The following NCAPG2 variants were observed in gnomAD, a reference collection of about 807,000 sequenced individuals.
The protein encoded by NCAPG2 is condensin-2 complex subunit G2.
NCAPG2 carries 53 observed loss-of-function variants against 141.1 expected under a neutral mutation model. That is an observed-to-expected ratio of 0.38 (90% CI 0.30 to 0.47). NCAPG2 has a LOEUF of 0.47. NCAPG2 is among the 20% of genes least tolerant of loss of function. The pLI, the probability that NCAPG2 is intolerant of heterozygous loss-of-function variation, is 0.99. For synonymous variants in NCAPG2, 499 were observed against 490.7 expected (o/e 1.02, Z -0.22); for missense variants, 1,087 against 1,389.0 (o/e 0.78, Z 3.46).
chr7:158,656,863 G>A (rs531853937), intron 17 of NCAPG2, among the ~76,000 whole-genome samples, 158 bp from the exon 18 acceptor site: 1 of 152,294 alleles, frequency 6.6e-6, no homozygotes, highest in African/African-American at 2.4e-5. Flanking sequence ...AATAAATACA[G>A]TTTCCCACAA....
intron 13 of NCAPG2, chr7:158,668,411 G>A: frequency 1.0e-6 from 1 of 977,462 alleles, no homozygotes; most frequent in Non-Finnish European, 1.2e-6. Context: ...ACTGTTTTCT[G>A]TTTTGTTTTA....
chr7:158,664,278 A>G lies in NCAPG2; in HGVS notation c.1721T>C (p.Ile574Thr). 1 of 1,613,352 alleles carries G rather than the reference A, an allele frequency of 6.2e-7. No homozygotes were observed. The highest frequency in any genetic ancestry group is 8.5e-7 in the Non-Finnish European group (1 of 1,179,238). The change falls in exon 15 of 28, where the codon ATT (isoleucine) becomes ACT (threonine). Residue 574 changes from isoleucine (I) to threonine (T), a missense_variant. By Grantham distance (89) the Ile-to-Thr change is moderately conservative. Transcript: ENST00000356309. ...GATACAGGCATTTAAGCAATGACGA[A>G]TAACGTGAATCAGCTTTGCTGAAAT... The part of the protein sequence containing the change: ...CTNIAKLIHV[I>T]RHCLNACIQR...
chr7:158,685,868 T>C (rs1364249246), intron 8 of NCAPG2, among the ~76,000 whole-genome samples: 3 of 152,208 alleles, frequency 2.0e-5, no homozygotes, highest in African/African-American at 7.2e-5. Flanking sequence ...CTTTGAAATC[T>C]GGTATGTTTC....
chr7:158,651,051 G>A (rs1425276896), intron 23 of NCAPG2, 79 bp from the exon 24 acceptor site: 1 of 1,391,650 alleles, frequency 7.2e-7, no homozygotes, highest in Non-Finnish European at 9.5e-7. Context: ...TTTAAAATAA[G>A]TATTCTTACT....
chr7:158,667,438 T>C (rs1270079004), intron 13 of NCAPG2, among the ~76,000 whole-genome samples: 13 of 130,360 alleles, frequency 1.0e-4, no homozygotes, highest in Admixed American at 1.5e-4. Flanking sequence ...TCCGCCCTCC[T>C]TACCCACTAC....
At chr7:158,695,649 T>C (rs956330651) in intron 2 of NCAPG2, among the ~76,000 whole-genome samples, 7 of 152,212 alleles carry the variant, frequency 4.6e-5, no homozygotes, top group Admixed American at 2.0e-4. Context: ...TGTTCAAATA[T>C]CAAAATGTTC....
In NCAPG2 at chr7:158,633,061, G is replaced by T. The variant is rs564158071; in HGVS notation, c.3381-1344C>A. ...GAATCTTATCCATAATTATTTAGCT[G>T]TGATTTTTTTTTTCCATCAATCCAG... On this transcript the variant is annotated intron_variant, in intron 27 of 27. Transcript: ENST00000356309. This position sits in a 1 kb window ranked among gnomAD's most constrained non-coding sequence, Gnocchi z 4.1. 6.6e-6 allele frequency among the ~76,000 whole-genome samples: 1 copy of T among 152,016 alleles called. No homozygotes were observed. The highest frequency in any genetic ancestry group is 2.1e-4 in the South Asian group (1 of 4,818).
chr7:158,672,436 G>A (rs1182964025), intron 12 of NCAPG2, among the ~76,000 whole-genome samples: 5 of 140,166 alleles, frequency 3.6e-5, no homozygotes, highest in Admixed American at 7.6e-5. Flanking sequence ...TCTGCCTCCC[G>A]GGTTCATGCC....
At position 158,689,942 on chromosome 7, in the gene NCAPG2, T is replaced by C. The variant is rs1222926102; in HGVS notation, c.549A>G (p.Val183=). 3 of 1,589,266 alleles carry C rather than the reference T, an allele frequency of 1.9e-6. No individual in the cohort carries two copies. The highest frequency in any genetic ancestry group is 2.3e-5 in the East Asian group (1 of 43,606). ...RSLETKTGAD[V]CRLWRIHQAL... is the part of the protein sequence containing the mutation. ...CTTGATGGATACGCCAAAGCCGACA[T>C]ACGTCTGCACCCTAGGAATGACACA... Residue 183 remains valine, a synonymous_variant, in exon 6 of 28, where the codon GTA becomes GTG. Transcript: ENST00000356309.
chr7:158,693,469 T>C lies in NCAPG2; in HGVS notation c.107A>G (p.Asn36Ser), dbSNP rs1471436773. ...DKEASDPFSL[N>S]ELLDELSRKQ... is the part of the protein sequence containing the mutation. ...CCTTGATAATTCATCTAGTAATTCATTTAGGCTGAAAGGATCAGAGGCCTC... is the reference window on the plus strand; with the variant it reads ...CCTTGATAATTCATCTAGTAATTCACTTAGGCTGAAAGGATCAGAGGCCTC... The change falls in exon 3 of 28, where the codon AAT becomes AGT. Residue 36 changes from asparagine (N) to serine (S), a missense_variant. Transcript: ENST00000356309. 1 of 1,613,882 alleles carries C rather than the reference T, an allele frequency of 6.2e-7. No individual in the cohort carries two copies. The highest frequency in any genetic ancestry group is 8.5e-7 in the Non-Finnish European group (1 of 1,179,818).
rs537236522 is a variant in NCAPG2, at chr7:158,661,097, C to T, written c.1989+1097G>A. Among the ~76,000 whole-genome samples the T allele has an allele frequency of 1.9e-4, 29 of 152,286 alleles. No homozygotes were observed. In the South Asian group the frequency reaches 2.7e-3, roughly 14 times the overall value. On this transcript the variant is annotated intron_variant, in intron 16 of 27. Transcript: ENST00000356309. ...TCAGCAGCATGAAAACAGACTAATA[C>T]AATTTTGGCAACTAATACAATCTGC...
At chr7:158,639,921 A>G (rs779004350) in intron 27 of NCAPG2, 15 of 850,458 alleles carry the variant, frequency 1.8e-5, no homozygotes, top group Non-Finnish European at 2.1e-5. Flanking sequence ...AAGACCTGTG[A>G]GACAACTGTA....
chr7:158,653,954 A>AGCTAGGG lies in NCAPG2; in HGVS notation c.2746+634_2746+640dup, dbSNP rs749194052. On this transcript the variant is annotated intron_variant, in intron 22 of 27. Coordinates refer to ENST00000356309, the MANE Select transcript of NCAPG2 (RefSeq NM_017760.7). ...TAGGGGTTAGGGAGTAGGGGCTAGG[A>AGCTAGGG]GCTAGGGGCTAGGGGCTAGGCGTCA... Among the ~76,000 whole-genome samples, 1,057 of 152,002 alleles carry AGCTAGGG rather than the reference A, an allele frequency of 7.0e-3. 4 individuals are homozygous for AGCTAGGG. The highest frequency in any genetic ancestry group is 0.01 in the Middle Eastern group (3 of 294).
At chr7:158,651,244 G>A (rs1831471102) in intron 23 of NCAPG2, among the ~76,000 whole-genome samples, 1 of 152,040 alleles carries the variant, frequency 6.6e-6, no homozygotes, top group Non-Finnish European at 1.5e-5. Flanking sequence ...AAAACCCTCA[G>A]GAATAAGGAG....
intron 8 of NCAPG2, 35 bp from the exon 9 acceptor site, chr7:158,683,421 T>C (rs928987082): frequency 7.3e-6 from 11 of 1,515,918 alleles, no homozygotes; most frequent in African/African-American, 2.8e-5. Flanking sequence ...GCACTTGGTG[T>C]GTGTGTGTCC....
intron 24 of NCAPG2, among the ~76,000 whole-genome samples, chr7:158,648,246 A>G (rs892750875): frequency 3.3e-5 from 5 of 152,156 alleles, no homozygotes; most frequent in Admixed American, 6.5e-5. Flanking sequence ...GACAAGCATA[A>G]TTTCTGAAGG....
At chr7:158,697,393 G>C (rs1835514444) in intron 2 of NCAPG2, among the ~76,000 whole-genome samples, 1 of 152,242 alleles carries the variant, frequency 6.6e-6, no homozygotes, top group Non-Finnish European at 1.5e-5. Flanking sequence ...CCTGAGATCA[G>C]GAGTTTGAGA....
chr7:158,690,083 A>G (rs1194241391), intron 5 of NCAPG2, 130 bp from the exon 6 acceptor site: 7 of 991,278 alleles, frequency 7.1e-6, no homozygotes, highest in Admixed American at 3.9e-5. Context: ...AATAACGACA[A>G]ATAAAAACAG....
intron 12 of NCAPG2, among the ~76,000 whole-genome samples, chr7:158,672,158 G>C (rs1833728204): frequency 6.6e-6 from 1 of 151,796 alleles, no homozygotes; most frequent in Non-Finnish European, 1.5e-5. Flanking sequence ...ACAGGCCAAG[G>C]CTCAGTCTGG....
Sources: allele counts gnomAD v4.1 joint callset (sites outside exome capture counted in the v4.1 genomes callset), GRCh38; gene constraint gnomAD v4.1.1; non-coding constraint Gnocchi (gnomAD v3.1); transcripts MANE v1.5; gene names NCBI Gene and HGNC (gene_info 2026-07-23, HGNC 2026-07-21).